FILIP1L: variants seen among roughly 807,000 people sequenced by gnomAD.
FILIP1L encodes filamin A interacting protein 1 like.
In FILIP1L, 55 loss-of-function variants were observed where a neutral mutation model predicts 96.6. The ratio of observed to expected loss-of-function variants is 0.57; its 90% CI spans 0.46 to 0.71. The LOEUF (loss-of-function observed/expected upper bound fraction) is 0.71, where lower values mean the gene tolerates loss of function less well. FILIP1L is among the 30% of genes least tolerant of loss of function. FILIP1L has a pLI of 0.00. For synonymous variants in FILIP1L, 467 were observed against 473.9 expected (o/e 0.99, Z 0.19); for missense variants, 1,304 against 1,321.2 (o/e 0.99, Z 0.20).
At chr3:99,926,958 T>A (rs1212630477) in intron 3 of FILIP1L, among the ~76,000 whole-genome samples, 2 of 152,178 alleles carry the variant, frequency 1.3e-5, no homozygotes, top group Admixed American at 1.3e-4. Flanking sequence ...ACTGACAGCA[T>A]GATTTTTCAC....
At chr3:99,878,535 CAG>C (rs1462718080) in intron 4 of FILIP1L, among the ~76,000 whole-genome samples, 3 of 152,206 alleles carry the variant, frequency 2.0e-5, no homozygotes, top group Non-Finnish European at 4.4e-5. Flanking sequence ...CAGAATCTCT[CAG>C]AGGTATGTTT....
chr3:99,926,707 T>G (rs970884984), intron 3 of FILIP1L, among the ~76,000 whole-genome samples: 2 of 152,232 alleles, frequency 1.3e-5, no homozygotes, highest in African/African-American at 4.8e-5. Flanking sequence ...CAGTATTTCC[T>G]TGGAGAGCTT....
At chr3:99,947,053 A>C (rs1188080541) in intron 1 of FILIP1L, among the ~76,000 whole-genome samples, 1 of 145,436 alleles carries the variant, frequency 6.9e-6, no homozygotes. Context: ...AGGGAGAATC[A>C]CTTGCAGCTG....
At chr3:99,921,798 T>C (rs1177549783) in intron 4 of FILIP1L, among the ~76,000 whole-genome samples, 2 of 152,252 alleles carry the variant, frequency 1.3e-5, no homozygotes, top group African/African-American at 2.4e-5. Flanking sequence ...ATTCTTCATA[T>C]ATTGATTTAG....
intron 1 of FILIP1L, among the ~76,000 whole-genome samples, chr3:100,103,816 T>C (rs1440080835): frequency 1.3e-5 from 2 of 152,210 alleles, no homozygotes; most frequent in Non-Finnish European, 2.9e-5. Context: ...TAAATCTGTC[T>C]GTGTTATCCT....
intron 1 of FILIP1L, among the ~76,000 whole-genome samples, chr3:99,992,093 G>C (rs1435769604): frequency 6.6e-6 from 1 of 151,152 alleles, no homozygotes; most frequent in Non-Finnish European, 1.5e-5. Context: ...GGTTAATTCT[G>C]TATCTTTGCT....
intron 1 of FILIP1L, among the ~76,000 whole-genome samples, chr3:99,944,816 C>G (rs1576591386): frequency 6.6e-6 from 1 of 152,058 alleles, no homozygotes; most frequent in East Asian, 1.9e-4. Flanking sequence ...TTAAAGTAGC[C>G]AGTATCTTTC....
intron 1 of FILIP1L, among the ~76,000 whole-genome samples, chr3:99,934,478 A>G (rs1414087635): frequency 1.3e-5 from 2 of 152,280 alleles, no homozygotes; most frequent in African/African-American, 4.8e-5. Flanking sequence ...TCTTGCCCAC[A>G]TAGTCCTGTG....
intron 4 of FILIP1L, among the ~76,000 whole-genome samples, chr3:99,900,883 T>C (rs944296741): frequency 5.9e-5 from 9 of 152,208 alleles, no homozygotes; most frequent in Non-Finnish European, 1.2e-4. Flanking sequence ...GAAGCACTGA[T>C]CTAAAGGAAA....
At chr3:99,910,834 T>C (rs1706764284) in intron 4 of FILIP1L, among the ~76,000 whole-genome samples, 1 of 152,254 alleles carries the variant, frequency 6.6e-6, no homozygotes, top group Non-Finnish European at 1.5e-5. Context: ...TGTTATTTTT[T>C]TTAATGTTGC....
At chr3:99,942,574 G>A (rs1259386841) in intron 1 of FILIP1L, among the ~76,000 whole-genome samples, 1 of 152,242 alleles carries the variant, frequency 6.6e-6, no homozygotes, top group Non-Finnish European at 1.5e-5. Context: ...GCTCACGCCT[G>A]TAATCCCAGC....
intron 1 of FILIP1L, among the ~76,000 whole-genome samples, chr3:100,102,600 C>T (rs1480166100): frequency 6.6e-6 from 1 of 152,120 alleles, no homozygotes; most frequent in Non-Finnish European, 1.5e-5. Context: ...ACTTCCATTA[C>T]TAAACTATTA....
At chr3:100,104,030 A>T (rs909359224) in intron 1 of FILIP1L, among the ~76,000 whole-genome samples, 1 of 152,220 alleles carries the variant, frequency 6.6e-6, no homozygotes, top group Non-Finnish European at 1.5e-5. Flanking sequence ...CCCAGAGGCC[A>T]TGTCACCAAA....
chr3:100,107,806 A>G (rs1278746527), intron 1 of FILIP1L, among the ~76,000 whole-genome samples: 1 of 151,972 alleles, frequency 6.6e-6, no homozygotes, highest in African/African-American at 2.4e-5. Flanking sequence ...GAGGCCATAA[A>G]CTAACACTTT....
chr3:99,848,388 A>G lies in FILIP1L; in HGVS notation c.3288T>C (p.Ile1096=). 5 of 1,614,034 alleles carry G rather than the reference A, an allele frequency of 3.1e-6. No individual in the cohort carries two copies. In the South Asian group the frequency reaches 5.5e-5, roughly 18 times the overall value. The change falls in exon 5 of 6, where the codon ATT becomes ATC. Residue 1096 remains isoleucine, a synonymous_variant. Coordinates refer to ENST00000477258, the MANE Select transcript of FILIP1L (RefSeq NM_001387850.1). ...PLQDNRTQGL[I]NGALNKTTNK... The stretch of plus-strand genomic sequence containing the variant: ...TGGTTGTTTTGTTTAGTGCCCCGTT[A>G]ATTAAGCCTTGAGTTCGGTTATCCT...
intron 3 of FILIP1L, chr3:99,925,802 A>G (rs774922190): frequency 2.8e-5 from 27 of 967,344 alleles, no homozygotes; most frequent in Middle Eastern, 1.0e-3. Context: ...AGTAAAGAAC[A>G]TGCCAGTGGC....
intron 1 of FILIP1L, among the ~76,000 whole-genome samples, chr3:99,983,302 G>A (rs575248958): frequency 6.7e-6 from 1 of 149,872 alleles, no homozygotes; most frequent in South Asian, 2.1e-4. Flanking sequence ...GGGAGGCCAA[G>A]GCAGGCGGAT....
At chr3:99,898,044 G>C (rs1706315676) in intron 4 of FILIP1L, 1 of 151,678 alleles carries the variant, frequency 6.6e-6, no homozygotes, top group African/African-American at 2.4e-5. Flanking sequence ...TTTTTCTCCA[G>C]TTAGTCGTCA....
At chr3:99,984,807 A>G (rs1253078838) in intron 1 of FILIP1L, among the ~76,000 whole-genome samples, 1 of 152,238 alleles carries the variant, frequency 6.6e-6, no homozygotes, top group Non-Finnish European at 1.5e-5. Context: ...ATCAAGGATC[A>G]TATTCAGCTA....
Sources: gnomAD v4.1 joint callset for allele counts (sites outside exome capture counted in the v4.1 genomes callset) on GRCh38, gnomAD v4.1.1 for gene constraint, MANE v1.5 for transcripts, NCBI Gene and HGNC (gene_info 2026-07-23, HGNC 2026-07-21) for gene names.